The following PRKCE variants were observed in gnomAD, a reference collection of about 807,000 sequenced individuals.
The protein encoded by PRKCE is protein kinase C epsilon type.
A neutral mutation model predicts 85.4 loss-of-function variants in PRKCE; 16 were observed. The ratio of observed to expected loss-of-function variants is 0.19; its 90% CI spans 0.13 to 0.28. The LOEUF is 0.28. PRKCE is among the 10% of genes least tolerant of loss of function. The probability of loss-of-function intolerance (pLI) is 1.00; values close to 1 mark genes in which losing one functional copy is unlikely to be tolerated. For missense variants in PRKCE, 573 were observed against 975.2 expected, an observed-to-expected ratio of 0.59 and a Z score of 5.49; for synonymous variants, 388 against 371.5, an observed-to-expected ratio of 1.04 and a Z score of -0.51.
At chr2:45,686,599 T>C (rs1168569741) in intron 1 of PRKCE, among the ~76,000 whole-genome samples, 1 of 151,942 alleles carries the variant, frequency 6.6e-6, no homozygotes, top group African/African-American at 2.4e-5. Flanking sequence ...AGGTAGAAAA[T>C]AGAATGGAAG....
At chr2:45,682,424 T>A (rs576904319) in intron 1 of PRKCE, among the ~76,000 whole-genome samples, 64 of 151,794 alleles carry the variant, frequency 4.2e-4, no homozygotes, top group African/African-American at 1.5e-3. Flanking sequence ...TAGTTTTATT[T>A]TTTATTTATT....
chr2:45,985,522 C>A (rs12993611), intron 6 of PRKCE, among the ~76,000 whole-genome samples: 88,129 of 151,988 alleles, frequency 0.58, 26,573 homozygotes, highest in African/African-American at 0.75. Flanking sequence ...ATGTATTATT[C>A]ATAAATTCCC....
intron 14 of PRKCE, among the ~76,000 whole-genome samples, chr2:46,168,353 C>T (rs1678552814): frequency 6.6e-6 from 1 of 152,148 alleles, no homozygotes; most frequent in Non-Finnish European, 1.5e-5. Context: ...CTTCCTAGGC[C>T]ACGCCTGATC....
intron 6 of PRKCE, among the ~76,000 whole-genome samples, chr2:45,986,983 C>G (rs1219561688): frequency 6.7e-6 from 1 of 150,102 alleles, no homozygotes; most frequent in Non-Finnish European, 1.5e-5. Flanking sequence ...GTGTGGTTGC[C>G]GGGAAGCAGG....
chr2:45,655,095 C>T (rs950510701), intron 1 of PRKCE, among the ~76,000 whole-genome samples: 2 of 152,304 alleles, frequency 1.3e-5, no homozygotes, highest in South Asian at 4.1e-4. Context: ...ACTTTGAATT[C>T]ACTTGTATTC....
intron 5 of PRKCE, among the ~76,000 whole-genome samples, chr2:45,982,801 G>C (rs905949129): frequency 7.2e-5 from 11 of 152,108 alleles, no homozygotes; most frequent in Admixed American, 2.0e-4. Context: ...CCCAACTGAG[G>C]GTCACGTAGC....
intron 11 of PRKCE, among the ~76,000 whole-genome samples, chr2:46,133,249 C>T (rs1412244140): frequency 6.6e-6 from 1 of 152,186 alleles, no homozygotes; most frequent in East Asian, 1.9e-4. Flanking sequence ...GTGGCCCTTT[C>T]TGTGATGACA....
At chr2:46,152,162 A>C (rs1315099918) in intron 13 of PRKCE, among the ~76,000 whole-genome samples, 1 of 151,816 alleles carries the variant, frequency 6.6e-6, no homozygotes, top group Non-Finnish European at 1.5e-5. Flanking sequence ...TATTTACCTG[A>C]TTATATGTAT....
At chr2:46,172,882 G>A (rs1305482872) in intron 14 of PRKCE, among the ~76,000 whole-genome samples, 2 of 152,186 alleles carry the variant, frequency 1.3e-5, no homozygotes, top group South Asian at 4.1e-4. Flanking sequence ...GACAGTTATT[G>A]TACCACTTAG....
rs193191988 is a variant in PRKCE at position 46,171,194 on chromosome 2, C to T, written c.2067+11442C>T. Among the ~76,000 whole-genome samples the T allele has an allele frequency of 3.3e-5, 5 of 152,314 alleles. No individual in the cohort carries two copies. The East Asian group carries it at 9.7e-4, about 29-fold the overall frequency. On this transcript the variant is annotated intron_variant, in intron 14 of 14. Coordinates refer to ENST00000306156, the MANE Select transcript of PRKCE (RefSeq NM_005400.3). Reference sequence around the variant, plus strand: ...TGGCTCAGCAAGCTCAGGCCCCAGGCAAGCCAGGGCAGGCAGGGTACTGTC... The same window carrying T: ...TGGCTCAGCAAGCTCAGGCCCCAGGTAAGCCAGGGCAGGCAGGGTACTGTC...
chr2:45,994,314 C>T, intron 6 of PRKCE, among the ~76,000 whole-genome samples: 1 of 152,110 alleles, frequency 6.6e-6, no homozygotes, highest in Non-Finnish European at 1.5e-5. Flanking sequence ...CCATAGTTTA[C>T]ATTAGGGCTC....
At position 46,007,644 on chromosome 2, in the gene PRKCE, A is replaced by C. The variant is rs756883396; in HGVS notation, c.1246A>C (p.Lys416Gln). ...DEFNFIKVLG[K>Q]GSFGKVMLAE... is the part of the protein sequence containing the mutation. ...GTTCAACTTCATCAAGGTGTTGGGC[A>C]AAGGCAGCTTTGGCAAGGTCTGTGG... is the stretch of plus-strand genomic sequence containing the variant. Residue 416 changes from lysine to glutamine, a missense_variant, in exon 9 of 15, where the codon AAA (lysine) becomes CAA (glutamine). Around this residue, in one of 11 missense-constraint regions of PRKCE, gnomAD observed 89 missense variants for 154.1 expected, o/e 0.58. Transcript: ENST00000306156. 6 of 1,599,742 alleles carry C rather than the reference A, an allele frequency of 3.8e-6. No individual in the cohort carries two copies. The highest frequency in any genetic ancestry group is 4.2e-6 in the Non-Finnish European group (5 of 1,179,930).
chr2:45,710,452 T>C (rs1679528359), intron 1 of PRKCE, among the ~76,000 whole-genome samples: 1 of 152,238 alleles, frequency 6.6e-6, no homozygotes, highest in African/African-American at 2.4e-5. Flanking sequence ...GCTCTCCTGC[T>C]TCTGAATCTC....
intron 2 of PRKCE, among the ~76,000 whole-genome samples, chr2:45,859,771 C>A (rs1382752397): frequency 1.3e-5 from 2 of 152,158 alleles, no homozygotes; most frequent in African/African-American, 2.4e-5. Context: ...CTTGGTGGAT[C>A]TTGAACAAAT....
intron 1 of PRKCE, among the ~76,000 whole-genome samples, chr2:45,669,609 C>G (rs1323159771): frequency 6.6e-6 from 1 of 152,190 alleles, no homozygotes. Context: ...CTGATCACAT[C>G]AGTTTCAGGG....
intron 6 of PRKCE, among the ~76,000 whole-genome samples, chr2:45,986,654 G>A (rs1703349012): frequency 6.6e-6 from 1 of 152,198 alleles, no homozygotes; most frequent in Admixed American, 6.5e-5. Context: ...AGGGAGAAGT[G>A]GGGGTGTGAG....
chr2:45,723,509 C>T (rs1266133418), intron 1 of PRKCE, among the ~76,000 whole-genome samples: 1 of 152,218 alleles, frequency 6.6e-6, no homozygotes, highest in East Asian at 1.9e-4. Flanking sequence ...CCTGTTTGCC[C>T]TGCTAATAGT....
At chr2:45,934,151 A>G (rs1699264995) in intron 2 of PRKCE, among the ~76,000 whole-genome samples, 1 of 152,190 alleles carries the variant, frequency 6.6e-6, no homozygotes, top group Non-Finnish European at 1.5e-5. Context: ...GCTCACAGCC[A>G]TAGTGGAGCA....
At chr2:45,805,983 G>A (rs7591313) in intron 1 of PRKCE, among the ~76,000 whole-genome samples, 52,692 of 152,006 alleles carry the variant, frequency 0.35, 9,808 homozygotes, top group African/African-American at 0.48. Flanking sequence ...GCTTGCCCAA[G>A]GTCTCACAGC....
Sources: allele counts gnomAD v4.1 joint callset (sites outside exome capture counted in the v4.1 genomes callset), GRCh38; gene constraint gnomAD v4.1.1; regional missense constraint gnomAD v4.1.1; transcripts MANE v1.5; gene names NCBI Gene and HGNC (gene_info 2026-07-23, HGNC 2026-07-21).